SYTL3: variants seen among roughly 807,000 people sequenced by gnomAD.
SYTL3 encodes the protein synaptotagmin like 3.
SYTL3 carries 88 observed loss-of-function variants against 82.1 expected under a neutral mutation model. The ratio of observed to expected loss-of-function variants is 1.07; its 90% CI spans 0.90 to 1.28. The LOEUF (loss-of-function observed/expected upper bound fraction) is 1.28. Ranked by LOEUF, SYTL3 falls within the 50% of genes most tolerant of loss-of-function variation. The probability of loss-of-function intolerance (pLI) is 0.00; values close to 1 mark genes in which losing one functional copy is unlikely to be tolerated. For synonymous variants in SYTL3, 311 were observed against 289.4 expected (o/e 1.07, Z -0.76); for missense variants, 831 against 757.6 (o/e 1.10, Z -1.14).
chr6:158,712,828 G>C (rs1216391843), intron 8 of SYTL3, among the ~76,000 whole-genome samples: 1 of 147,374 alleles, frequency 6.8e-6, no homozygotes, highest in South Asian at 2.1e-4. Context: ...GCGTGATCTC[G>C]ACTCATTGCA....
At chr6:158,720,368 T>C (rs1424729216) in intron 10 of SYTL3, among the ~76,000 whole-genome samples, 1 of 136,066 alleles carries the variant, frequency 7.3e-6, no homozygotes, top group Non-Finnish European at 1.5e-5. Flanking sequence ...CGTACTGTTA[T>C]ACGCTCCAGC....
intron 10 of SYTL3, 89 bp downstream of exon 10, chr6:158,718,300 T>C (rs2128470097): frequency 7.8e-7 from 1 of 1,285,554 alleles, no homozygotes; most frequent in African/African-American, 1.5e-5. Flanking sequence ...AGATTTATGT[T>C]TTCTTTGGTT....
chr6:158,692,864 T>C (rs1480177194), intron 6 of SYTL3, among the ~76,000 whole-genome samples: 2 of 150,568 alleles, frequency 1.3e-5, no homozygotes, highest in Admixed American at 6.6e-5. Flanking sequence ...GGCAGGAGAA[T>C]GGCATGAACC....
intron 12 of SYTL3, among the ~76,000 whole-genome samples, chr6:158,748,748 G>A (rs1047149677): frequency 1.3e-5 from 2 of 151,786 alleles, no homozygotes; most frequent in African/African-American, 4.8e-5. Context: ...GGGAGGCTGA[G>A]GCAGGAGAAT....
intron 10 of SYTL3, among the ~76,000 whole-genome samples, chr6:158,721,793 T>C (rs891241722): frequency 1.8e-4 from 27 of 152,150 alleles, no homozygotes; most frequent in African/African-American, 6.3e-4. Context: ...CCACCACACC[T>C]GGCTAATTTT....
At chr6:158,713,768 A>G (rs1583335649) in intron 8 of SYTL3, 32 bp from the exon 9 acceptor site, 1 of 1,476,532 alleles carries the variant, frequency 6.8e-7, no homozygotes, top group East Asian at 2.5e-5. Flanking sequence ...ATCAAGCATA[A>G]TTCTCATTCT....
intron 7 of SYTL3, 39 bp from the exon 8 acceptor site, chr6:158,708,283 T>C (rs1583316882): frequency 1.3e-6 from 2 of 1,530,388 alleles, no homozygotes; most frequent in African/African-American, 2.7e-5. Context: ...GCTTGCATGG[T>C]TCACAACCCA....
intron 5 of SYTL3, among the ~76,000 whole-genome samples, chr6:158,675,936 C>T (rs57027389): frequency 0.033 from 4,961 of 152,118 alleles, 278 homozygotes; most frequent in African/African-American, 0.11. Flanking sequence ...GGCGACAGAG[C>T]GAGACTCCAT....
rs147768136 is a variant in SYTL3 at position 158,710,921 on chromosome 6, C to T, written c.516+2530C>T. Among the ~76,000 whole-genome samples, 44 of 152,318 alleles carry T rather than the reference C, an allele frequency of 2.9e-4. No individual in the cohort carries two copies. The East Asian group carries it at 5.8e-3, about 20-fold the overall frequency. On this transcript the variant is annotated intron_variant, in intron 8 of 17. Transcript: ENST00000611299. The stretch of plus-strand genomic sequence containing the variant: ...TCAACCTCCTGAGTAGCTGGGATTA[C>T]AGGCATGTGCCACCAGGCCCAGCTA...
At chr6:158,705,188 G>A (rs9457446) in intron 6 of SYTL3, among the ~76,000 whole-genome samples, 2 of 48,538 alleles carry the variant, frequency 4.1e-5, no homozygotes, top group Admixed American at 2.0e-4. Context: ...AGTGAGGGCT[G>A]TAAGGCCACA....
intron 2 of SYTL3, among the ~76,000 whole-genome samples, chr6:158,652,821 G>A (rs1038559071): frequency 7.9e-5 from 12 of 152,186 alleles, no homozygotes; most frequent in South Asian, 2.1e-4. Context: ...GATTACAGGC[G>A]TGAGCCACCG....
chr6:158,759,241 C>T (rs1789574843), intron 14 of SYTL3, among the ~76,000 whole-genome samples: 1 of 152,202 alleles, frequency 6.6e-6, no homozygotes, highest in Non-Finnish European at 1.5e-5. Flanking sequence ...GCAGGTGGCA[C>T]AGAGCTGCAA....
At chr6:158,649,835 T>C (rs927803316), upstream of SYTL3, among the ~76,000 whole-genome samples, 12 of 152,176 alleles carry the variant, frequency 7.9e-5, no homozygotes, top group African/African-American at 2.9e-4. Flanking sequence ...TTCCTCCAGC[T>C]AAAAATGTAA....
upstream of SYTL3, among the ~76,000 whole-genome samples, chr6:158,646,704 C>T (rs1324057770): frequency 1.3e-5 from 2 of 152,210 alleles, no homozygotes; most frequent in African/African-American, 4.8e-5. Flanking sequence ...GTCTTCCTCT[C>T]CTTGGATTCT....
At chr6:158,757,559 G>T (rs1789297530) in intron 14 of SYTL3, among the ~76,000 whole-genome samples, 178 bp downstream of exon 14, 1 of 151,812 alleles carries the variant, frequency 6.6e-6, no homozygotes, top group African/African-American at 2.4e-5. Context: ...GGTGGGCGGA[G>T]GGTTTGTTTT....
chr6:158,709,214 G>C (rs1242019617), intron 8 of SYTL3, among the ~76,000 whole-genome samples: 1 of 152,102 alleles, frequency 6.6e-6, no homozygotes, highest in Non-Finnish European at 1.5e-5. Flanking sequence ...GGGCAACAGA[G>C]CAAGACTCCA....
chr6:158,723,569 C>A (rs190244946), intron 10 of SYTL3, among the ~76,000 whole-genome samples: 1 of 152,064 alleles, frequency 6.6e-6, no homozygotes, highest in Non-Finnish European at 1.5e-5. Context: ...CCATCTGTGC[C>A]GTTTTAAGTG....
At chr6:158,710,153 C>T (rs1158752904) in intron 8 of SYTL3, among the ~76,000 whole-genome samples, 1 of 152,202 alleles carries the variant, frequency 6.6e-6, no homozygotes, top group Non-Finnish European at 1.5e-5. Flanking sequence ...ATACTAATGA[C>T]AGTCACATGG....
chr6:158,726,041 A>C (rs1183145162), intron 11 of SYTL3: 5 of 580,582 alleles, frequency 8.6e-6, no homozygotes, highest in Non-Finnish European at 1.6e-5. Flanking sequence ...GTCCAATCTC[A>C]TGTGTTAAAA....
Sources: gnomAD v4.1 joint callset for allele counts (sites outside exome capture counted in the v4.1 genomes callset) on GRCh38, gnomAD v4.1.1 for gene constraint, MANE v1.5 for transcripts, NCBI Gene and HGNC (gene_info 2026-07-23, HGNC 2026-07-21) for gene names.